The following ATP11C variants were observed in gnomAD, a reference collection of about 807,000 sequenced individuals.
The protein encoded by ATP11C is ATPase phospholipid transporting 11C (ATP11C blood group), also known as phospholipid-transporting ATPase IG.
A neutral mutation model predicts 97.4 loss-of-function variants in ATP11C; 36 were observed. The ratio of observed to expected loss-of-function variants is 0.37; its 90% CI spans 0.28 to 0.49. The LOEUF (loss-of-function observed/expected upper bound fraction) is 0.49, where lower values mean the gene tolerates loss of function less well. Ranked by LOEUF, ATP11C falls within the 20% of genes least tolerant of loss-of-function variation. ATP11C has a pLI of 0.98. For missense variants in ATP11C, 730 were observed against 824.6 expected, an observed-to-expected ratio of 0.89 and a Z score of 1.40; for synonymous variants, 275 against 290.9, an observed-to-expected ratio of 0.95 and a Z score of 0.56.
At chrX:139,747,568 T>G (rs915734187) in intron 24 of ATP11C, among the ~76,000 whole-genome samples, 2 of 111,598 alleles carry the variant, frequency 1.8e-5, no homozygotes, top group Non-Finnish European at 3.8e-5. Context: ...AAGAAACAAA[T>G]TACACCTGTT....
At position 139,816,720 on chromosome X, in the gene ATP11C, T is replaced by C. The variant is rs370592745; in HGVS notation, c.318+143A>G. 160 of 363,914 alleles carry C rather than the reference T, an allele frequency of 4.4e-4. 1 individual carries two copies. Among genetic ancestry groups the C allele is most frequent in the African/African-American group, 3.6e-3 (135 of 37,190 alleles). The allele number at this position is 363,914 out of a possible 1,213,427, so 30.0% of individuals were successfully genotyped here. A position where few individuals can be genotyped will look rare whatever the true frequency, so the allele number is the denominator to read the frequency against. ...ATTAAGGATGTGCCTATCATTTTAA[T>C]AGGTTTTCAAGAGGAACCAAATATA... On this transcript the variant is annotated intron_variant, in intron 4 of 29. Coordinates refer to ENST00000682941, the MANE Select transcript of ATP11C (RefSeq NM_001353812.2).
At chrX:139,794,631 A>T (rs945055382) in intron 12 of ATP11C, among the ~76,000 whole-genome samples, 14 of 111,754 alleles carry the variant, frequency 1.3e-4, no homozygotes, top group African/African-American at 4.6e-4. Context: ...TTACTAGATC[A>T]TTACCCAAAG....
intron 1 of ATP11C, among the ~76,000 whole-genome samples, chrX:139,840,849 CAA>C (rs113679557): frequency 9.9e-6 from 1 of 100,696 alleles, no homozygotes. Context: ...AAGTCTCATA[CAA>C]AAAAAAAAGA....
intron 29 of ATP11C, among the ~76,000 whole-genome samples, chrX:139,729,819 T>C (rs2081305940): frequency 8.9e-6 from 1 of 112,076 alleles, no homozygotes; most frequent in South Asian, 3.7e-4. Context: ...AGGTCTTAAG[T>C]AGTATGCTAT....
intron 1 of ATP11C, among the ~76,000 whole-genome samples, chrX:139,921,476 GT>G (rs1331694545): frequency 8.9e-6 from 1 of 111,857 alleles, no homozygotes. Flanking sequence ...CCCCAGCCAT[GT>G]GGAACTGTGA....
Position 139,762,767 on chromosome X carries a change from T to C in ATP11C, c.2494+549A>G, listed in dbSNP as rs149302943. ...GCTAACTAACTTGCTGGGGAGTTAG[T>C]TGTGTTGCCTAATAGCAACCAGAGA... On this transcript the variant is annotated intron_variant, in intron 21 of 29. Coordinates refer to ENST00000682941, the MANE Select transcript of ATP11C (RefSeq NM_001353812.2). Among the ~76,000 whole-genome samples, 239 of 110,113 alleles carry C rather than the reference T, an allele frequency of 2.2e-3. 1 individual carries two copies. The highest frequency in any genetic ancestry group is 3.6e-3 in the Non-Finnish European group (191 of 52,983).
At chrX:139,813,293 T>C (rs774158600) in intron 5 of ATP11C, among the ~76,000 whole-genome samples, 4 of 112,158 alleles carry the variant, frequency 3.6e-5, no homozygotes, top group South Asian at 7.4e-4. Flanking sequence ...AGTGAGGATG[T>C]GGAACAACAA....
At chrX:139,879,297 G>T (rs747673330) in intron 1 of ATP11C, among the ~76,000 whole-genome samples, 1 of 109,637 alleles carries the variant, frequency 9.1e-6, no homozygotes, top group South Asian at 3.9e-4. Flanking sequence ...AATGGATAAA[G>T]AAAATGTGGT....
chrX:139,776,569 G>A (rs1320636696), intron 18 of ATP11C, among the ~76,000 whole-genome samples: 1 of 111,197 alleles, frequency 9.0e-6, no homozygotes, highest in Non-Finnish European at 1.9e-5. Context: ...ATGAGGAGCT[G>A]GTGCACCCCT....
intron 3 of ATP11C, among the ~76,000 whole-genome samples, chrX:139,817,288 C>A (rs1412640818): frequency 8.9e-6 from 1 of 112,548 alleles, no homozygotes; most frequent in African/African-American, 3.2e-5. Context: ...CAAGTCCCTG[C>A]CTTCATGTAG....
In ATP11C at chrX:139,763,377, A is replaced by T. The variant is rs1377484974; in HGVS notation, c.2433T>A (p.Thr811=). ...MVKNLKGSPI[T]LSIGDGANDV... ...CATTGGCACCATCACCTATCGACAGAGTTATTGGGCTGCCTTTTAAATTCT... is the reference window on the plus strand; with the variant it reads ...CATTGGCACCATCACCTATCGACAGTGTTATTGGGCTGCCTTTTAAATTCT... Residue 811 remains threonine, a synonymous_variant, in exon 21 of 30, where the codon ACT becomes ACA. Transcript: ENST00000682941. 1 of 1,208,957 alleles carries T rather than the reference A, an allele frequency of 8.3e-7. No individual in the cohort carries two copies. The highest frequency in any genetic ancestry group is 1.7e-5 in the African/African-American group (1 of 57,332).
chrX:139,750,388 T>C (rs1445482648), intron 23 of ATP11C, among the ~76,000 whole-genome samples: 6 of 111,876 alleles, frequency 5.4e-5, no homozygotes, highest in Non-Finnish European at 1.1e-4. Flanking sequence ...TTATTCAGAA[T>C]GTTTACATGC....
At chrX:139,862,696 A>G (rs1369178410) in intron 1 of ATP11C, among the ~76,000 whole-genome samples, 1 of 111,658 alleles carries the variant, frequency 9.0e-6, no homozygotes, top group African/African-American at 3.3e-5. Context: ...AGAGAGCATA[A>G]CTAAATCACT....
At chrX:139,775,180 C>T (rs1021865026) in intron 18 of ATP11C, among the ~76,000 whole-genome samples, 18 of 112,012 alleles carry the variant, frequency 1.6e-4, no homozygotes, top group Non-Finnish European at 3.8e-5. Context: ...AAGTTTGTGA[C>T]ACCTTGGGTA....
chrX:139,785,067 T>TA (rs899053184), intron 16 of ATP11C, among the ~76,000 whole-genome samples, 159 bp downstream of exon 16: 6 of 111,891 alleles, frequency 5.4e-5, no homozygotes, highest in African/African-American at 9.8e-5. Context: ...CATCTGTGCT[T>TA]AAAAAAATAC....
At chrX:139,915,662 A>C (rs1261016689) in intron 1 of ATP11C, among the ~76,000 whole-genome samples, 1 of 111,021 alleles carries the variant, frequency 9.0e-6, no homozygotes, top group Non-Finnish European at 1.9e-5. Flanking sequence ...CTATCTCAAA[A>C]AAAGAAAAAG....
chrX:139,834,153 T>A (rs1172851392), intron 1 of ATP11C, among the ~76,000 whole-genome samples: 2 of 111,684 alleles, frequency 1.8e-5, no homozygotes, highest in Admixed American at 1.9e-4. Flanking sequence ...TGAATTATGG[T>A]CCACTAGCAG....
intron 1 of ATP11C, among the ~76,000 whole-genome samples, chrX:139,838,890 T>C (rs953732972): frequency 7.3e-5 from 8 of 109,806 alleles, no homozygotes; most frequent in Non-Finnish European, 1.1e-4. Flanking sequence ...AGAGATTACA[T>C]TGAGCTGAGA....
intron 1 of ATP11C, among the ~76,000 whole-genome samples, chrX:139,869,867 A>G (rs1354294938): frequency 9.9e-6 from 1 of 101,341 alleles, no homozygotes; most frequent in Non-Finnish European, 2.0e-5. Flanking sequence ...TGAAGAGATA[A>G]TAAGTAAAAC....
Sources: gnomAD v4.1 joint callset for allele counts (sites outside exome capture counted in the v4.1 genomes callset) on GRCh38, gnomAD v4.1.1 for gene constraint, MANE v1.5 for transcripts, NCBI Gene and HGNC (gene_info 2026-07-23, HGNC 2026-07-21) for gene names.